Variants in FN1 observed in about 807,000 individuals in gnomAD.
FN1 encodes fibronectin.
Under a neutral mutation model 297.3 loss-of-function variants are expected in FN1, and 106 were observed. The ratio of observed to expected loss-of-function variants is 0.36; its 90% CI spans 0.30 to 0.42. The LOEUF is 0.42. Ranked by LOEUF, FN1 falls within the 10% of genes least tolerant of loss-of-function variation. FN1 has a pLI of 1.00. For synonymous variants in FN1, 1,149 were observed against 1,152.6 expected, an observed-to-expected ratio of 1.00 and a Z score of 0.06; for missense variants, 2,690 against 3,124.9, an observed-to-expected ratio of 0.86 and a Z score of 3.32.
At chr2:215,393,309 T>C (rs913073236) in intron 24 of FN1, 106 bp from the exon 25 acceptor site, 1 of 1,104,098 alleles carries the variant, frequency 9.1e-7, no homozygotes, top group Non-Finnish European at 1.3e-6. Context: ...GTAAAATTGG[T>C]GGAATGTTAA....
chr2:215,411,550 CAG>C (rs1354065889), intron 13 of FN1, among the ~76,000 whole-genome samples: 9 of 151,630 alleles, frequency 5.9e-5, no homozygotes, highest in Non-Finnish European at 1.3e-4. Context: ...AAGAAAATAA[CAG>C]AAAATAAAGT....
chr2:215,434,649 A>G, intron 2 of FN1, 47 bp downstream of exon 2: 3 of 1,609,526 alleles, frequency 1.9e-6, no homozygotes, highest in Non-Finnish European at 2.6e-6. Context: ...AACAATTACC[A>G]CTTCATGTAT....
At chr2:215,419,175 A>T in intron 12 of FN1, 67 bp downstream of exon 12, 1 of 1,419,400 alleles carries the variant, frequency 7.0e-7, no homozygotes. Context: ...TGAGAGCATT[A>T]ATAATCACTG....
chr2:215,395,410 T>C (rs1313780181), intron 23 of FN1, among the ~76,000 whole-genome samples: 1 of 151,906 alleles, frequency 6.6e-6, no homozygotes, highest in Non-Finnish European at 1.5e-5. Flanking sequence ...TGGTGGCGCA[T>C]GTCTGTAGTC....
At chr2:215,412,760 CTTTTTTTT>C (rs10524797) in intron 13 of FN1, among the ~76,000 whole-genome samples, 8 of 97,566 alleles carry the variant, frequency 8.2e-5, no homozygotes, top group East Asian at 4.6e-4. Flanking sequence ...TATTAAGTAT[CTTTTTTTT>C]TTTTTTTTTT....
At chr2:215,425,784 C>CAGG (rs1381008503) in intron 6 of FN1, among the ~76,000 whole-genome samples, 6,220 of 150,902 alleles carry the variant, frequency 0.041, 426 homozygotes, top group African/African-American at 0.15. Flanking sequence ...ACCTCAAACT[C>CAGG]CTGTCTCAAA....
At chr2:215,388,793 C>T (rs2059350883) in intron 26 of FN1, among the ~76,000 whole-genome samples, 1 of 152,076 alleles carries the variant, frequency 6.6e-6, no homozygotes, top group Non-Finnish European at 1.5e-5. Context: ...ACCATCACCG[C>T]ATTCAAGAAA....
At chr2:215,406,869 G>A (rs889629740) in intron 18 of FN1, among the ~76,000 whole-genome samples, 1 of 152,100 alleles carries the variant, frequency 6.6e-6, no homozygotes, top group East Asian at 1.9e-4. Context: ...TAATACTTAA[G>A]AATCAAAAAT....
chr2:215,397,592 A>T (rs954907725), intron 22 of FN1, 88 bp downstream of exon 22: 8 of 1,108,710 alleles, frequency 7.2e-6, no homozygotes, highest in Non-Finnish European at 1.1e-5. Flanking sequence ...TGCCATTCTC[A>T]TAAGTAAAAA....
At chr2:215,431,692 T>A in intron 4 of FN1, 141 bp downstream of exon 4, 1 of 873,306 alleles carries the variant, frequency 1.1e-6, no homozygotes, top group Non-Finnish European at 1.9e-6. Flanking sequence ...ATATAATAAT[T>A]CATTATTTCA....
intron 12 of FN1, 101 bp from the exon 13 acceptor site, chr2:215,415,059 C>A: frequency 1.2e-6 from 1 of 868,352 alleles, no homozygotes; most frequent in Middle Eastern, 3.2e-4. Context: ...CTTTGCTTGT[C>A]GTTAAATGTG....
At position 215,391,674 on chromosome 2, in the gene FN1, C is replaced by G; in HGVS notation, c.4210G>C (p.Glu1404Gln). The change falls in exon 26 of 46, where the codon GAG becomes CAG. Residue 1404 changes from glutamate to glutamine, a missense_variant. By Grantham distance (29) the Glu-to-Gln change is conservative. This residue lies in a region of FN1 where 1,743 missense variants were observed against 1,945.2 expected (regional missense o/e 0.90). Coordinates refer to ENST00000354785, the MANE Select transcript of FN1 (RefSeq NM_212482.4). ...TTGTCTGAAGGAGAAATTGACAACT[C>G]TGCAACATCTTCCTCATTTTTCACA... is the stretch of plus-strand genomic sequence containing the variant. ...SPVKNEEDVA[E>Q]LSISPSDNAV... is the part of the protein sequence containing the mutation. The G allele has an allele frequency of 6.2e-7, 1 of 1,614,134 alleles. No homozygotes were observed. The highest frequency in any genetic ancestry group is 8.5e-7 in the Non-Finnish European group (1 of 1,179,996).
chr2:215,428,040 A>G (rs2065807289), intron 6 of FN1, 140 bp downstream of exon 6: 24 of 1,066,838 alleles, frequency 2.2e-5, no homozygotes, highest in Middle Eastern at 5.9e-4. Context: ...TTAACAACCA[A>G]TAATGTGTAA....
rs61732520 is a variant in FN1, at chr2:215,393,163, G to A, written c.3837C>T (p.Thr1279=). 1.2e-3 allele frequency: 2,014 copies of A among 1,613,918 alleles called. 25 individuals carry two copies. In the African/African-American group the frequency reaches 0.021, roughly 17 times the overall value. The change falls in exon 25 of 46, where the codon ACC becomes ACT. Residue 1279 remains threonine (T), a synonymous_variant. Transcript: ENST00000354785. ...TCCACCTCAGGCCGATGCTTGAATC[G>A]GTTATATCAACAAAGCTTAGGTCAG... ...QLTDLSFVDI[T]DSSIGLRWTP...
Position 215,428,198 on chromosome 2 carries a change from C to T in FN1, c.826G>A (p.Val276Met). 6.2e-7 allele frequency: 1 copy of T among 1,614,156 alleles called. No individual in the cohort carries two copies. The highest frequency in any genetic ancestry group is 1.7e-5 in the Admixed American group (1 of 60,034). ...GCCTCACCGCTCGATGTGGTCTGCA[C>T]AGAGGTGTGCCTCTCACACTTCCAC... ...GEWKCERHTS[V>M]QTTSSGSGPF... The change falls in exon 6 of 46, where the codon GTG (valine) becomes ATG (methionine). Residue 276 changes from valine to methionine, a missense_variant. Coordinates refer to ENST00000354785, the MANE Select transcript of FN1 (RefSeq NM_212482.4).
chr2:215,407,151 CTTG>C lies in FN1; in HGVS notation c.2686_2688del (p.Gln896del). 1 of 1,614,090 alleles carries C rather than the reference CTTG, an allele frequency of 6.2e-7. No homozygotes were observed. The highest frequency in any genetic ancestry group is 8.5e-7 in the Non-Finnish European group (1 of 1,179,986). ...CCTGAGCGTGGGGTGCCAGTGGTTT[CTTG>C]TTGAATGACAACAGGTGTACTTTCT... On this transcript the variant is annotated inframe_deletion, in exon 18 of 46. Coordinates refer to ENST00000354785, the MANE Select transcript of FN1 (RefSeq NM_212482.4).
intron 26 of FN1, among the ~76,000 whole-genome samples, chr2:215,391,337 A>C (rs1208812433): frequency 1.3e-5 from 2 of 152,144 alleles, no homozygotes; most frequent in Non-Finnish European, 2.9e-5. Context: ...ATTTCTCTTG[A>C]TATTCACTTA....
chr2:215,428,261 G>A lies in FN1; in HGVS notation c.763C>T (p.Leu255=). The A allele has an allele frequency of 6.2e-7, 1 of 1,614,156 alleles. No homozygotes were observed. The highest frequency in any genetic ancestry group is 1.3e-5 in the African/African-American group (1 of 75,060). Residue 255 remains leucine (L), a synonymous_variant, in exon 6 of 46, where the codon CTG becomes TTG. Coordinates refer to ENST00000354785, the MANE Select transcript of FN1 (RefSeq NM_212482.4). ...TTGCCTGTGCAGATGCACTGGAGCA[G>A]GTTTCCTCGATTATCCTTCTTGCTC... is the stretch of plus-strand genomic sequence containing the variant. ...TWSKKDNRGN[L]LQCICTGNGR... is the part of the protein sequence containing the mutation.
Position 215,394,685 on chromosome 2 carries a change from T to C in FN1, c.3639A>G (p.Thr1213=), listed in dbSNP as rs2060094395. The C allele has an allele frequency of 6.2e-7, 1 of 1,614,104 alleles. No homozygotes were observed. The highest frequency in any genetic ancestry group is 8.5e-7 in the Non-Finnish European group (1 of 1,179,998). ...ITGYRITTTP[T]NGQQGNSLEE... ...CCAAAGAATTTCCCTGCTGGCCGTT[T>C]GTAGGGGTTGTGGTAATTCTATAAC... The change falls in exon 24 of 46, where the codon ACA becomes ACG. Residue 1213 remains threonine (T), a synonymous_variant. Coordinates refer to ENST00000354785, the MANE Select transcript of FN1 (RefSeq NM_212482.4).
Sources: gnomAD v4.1 joint callset for allele counts (sites outside exome capture counted in the v4.1 genomes callset) on GRCh38, gnomAD v4.1.1 for gene constraint, gnomAD v4.1.1 regional missense constraint, MANE v1.5 for transcripts, NCBI Gene and HGNC (gene_info 2026-07-23, HGNC 2026-07-21) for gene names.